The following SPHKAP variants were observed in gnomAD, a reference collection of about 807,000 sequenced individuals.
The protein encoded by SPHKAP is A-kinase anchor protein SPHKAP.
In SPHKAP, 67 loss-of-function variants were observed where a neutral mutation model predicts 137.5. The ratio of observed to expected loss-of-function variants is 0.49; its 90% confidence interval spans 0.40 to 0.60. The LOEUF (loss-of-function observed/expected upper bound fraction) is 0.60. SPHKAP is among the 20% of genes least tolerant of loss of function. The pLI, the probability that SPHKAP is intolerant of heterozygous loss-of-function variation, is 0.00. For missense variants in SPHKAP, 2,097 were observed against 2,069.3 expected, an observed-to-expected ratio of 1.01 and a Z score of -0.26; for synonymous variants, 813 against 785.3, an observed-to-expected ratio of 1.04 and a Z score of -0.59.
intron 3 of SPHKAP, chr2:228,027,976 A>G: frequency 2.1e-6 from 2 of 966,966 alleles, no homozygotes; most frequent in East Asian, 2.3e-4. Flanking sequence ...AAAAAAAAAA[A>G]GAAAAAAGAA....
rs1052803735 is a variant in SPHKAP, at chr2:228,025,774, A to G, written c.307-246T>C. ...CAAAAGTAAACATTTTACAAAGTAA[A>G]CATAAAGTAAACATTATGATAGTAA... On this transcript the variant is annotated intron_variant, in intron 4 of 11. Transcript: ENST00000392056. The G allele has an allele frequency of 1.5e-5, 12 of 777,410 alleles. No individual in the cohort carries two copies. The African/African-American group carries it at 2.1e-4, about 13-fold the overall frequency. The allele number at this position is 777,410 out of a possible 1,614,324, so 48.2% of individuals were successfully genotyped here. A position where few individuals can be genotyped will look rare whatever the true frequency, so the allele number is the denominator to read the frequency against.
intron 3 of SPHKAP, among the ~76,000 whole-genome samples, chr2:228,091,417 G>A (rs540117040): frequency 1.3e-5 from 2 of 152,236 alleles, no homozygotes; most frequent in East Asian, 3.9e-4. Context: ...ATAAATAGGT[G>A]TGACTTAGTT....
intron 3 of SPHKAP, among the ~76,000 whole-genome samples, chr2:228,064,299 T>G (rs1215065780): frequency 6.6e-6 from 1 of 152,178 alleles, no homozygotes; most frequent in Admixed American, 6.5e-5. Flanking sequence ...ACGACTCAAC[T>G]TAGTATTTAT....
intron 3 of SPHKAP, among the ~76,000 whole-genome samples, chr2:228,068,271 G>T (rs1010346302): frequency 2.6e-5 from 4 of 152,040 alleles, no homozygotes; most frequent in South Asian, 4.1e-4. Flanking sequence ...TTGAATTGGA[G>T]GAATCAATAC....
chr2:228,035,784 G>A (rs1025937335), intron 3 of SPHKAP, among the ~76,000 whole-genome samples: 14 of 152,196 alleles, frequency 9.2e-5, no homozygotes, highest in Non-Finnish European at 2.1e-4. Context: ...AATGGGGAAA[G>A]GATTCCCTAT....
chr2:228,133,350 T>TAAA (rs1456621005), intron 1 of SPHKAP, among the ~76,000 whole-genome samples: 9 of 148,190 alleles, frequency 6.1e-5, no homozygotes, highest in African/African-American at 2.2e-4. Context: ...AATAAATAAA[T>TAAA]TACTTCTACA....
chr2:228,092,400 C>CAT (rs1277052190), intron 3 of SPHKAP, among the ~76,000 whole-genome samples: 1 of 74,992 alleles, frequency 1.3e-5, no homozygotes, highest in African/African-American at 5.4e-5. Context: ...CATATATACA[C>CAT]ATATACACAT....
At chr2:228,079,963 C>T (rs1363641443) in intron 3 of SPHKAP, among the ~76,000 whole-genome samples, 1 of 152,140 alleles carries the variant, frequency 6.6e-6, no homozygotes, top group Non-Finnish European at 1.5e-5. Flanking sequence ...TTATCTCACA[C>T]CATAGACAAA....
At chr2:228,002,580 C>T (rs1693951275) in intron 7 of SPHKAP, among the ~76,000 whole-genome samples, 3 of 152,162 alleles carry the variant, frequency 2.0e-5, no homozygotes, top group Admixed American at 2.0e-4. Flanking sequence ...AATTAGATCC[C>T]ATTTGTCTAT....
intron 1 of SPHKAP, among the ~76,000 whole-genome samples, chr2:228,174,134 T>C (rs1343306647): frequency 6.6e-6 from 1 of 152,208 alleles, no homozygotes; most frequent in Non-Finnish European, 1.5e-5. Context: ...TGTCACTCCC[T>C]GTGTTTCCAT....
Position 228,020,172 on chromosome 2 carries a change from T to C in SPHKAP, c.698-16A>G. On this transcript the variant is annotated splice_polypyrimidine_tract_variant and intron_variant, in intron 6 of 11. Coordinates refer to ENST00000392056, the MANE Select transcript of SPHKAP (RefSeq NM_001142644.2). ...TTTTCATAATCTAGTGAGGAGAAAATGAGGGGCACTATTACTTTTTGGATA... is the reference window on the plus strand; with the variant it reads ...TTTTCATAATCTAGTGAGGAGAAAACGAGGGGCACTATTACTTTTTGGATA... 1 of 1,563,406 alleles carries C rather than the reference T, an allele frequency of 6.4e-7. No individual in the cohort carries two copies. The highest frequency in any genetic ancestry group is 8.6e-7 in the Non-Finnish European group (1 of 1,161,014).
intron 3 of SPHKAP, among the ~76,000 whole-genome samples, chr2:228,050,198 C>T (rs1408588483): frequency 1.3e-5 from 2 of 152,088 alleles, no homozygotes; most frequent in African/African-American, 4.8e-5. Flanking sequence ...TAGCAGATGT[C>T]AGGGCTTGAA....
rs554180280 is a variant in SPHKAP, at chr2:227,982,114, G to C, written c.4960-254C>G. The C allele has an allele frequency of 2.2e-4, 221 of 982,706 alleles. 2 individuals carry two copies. In the South Asian group the frequency reaches 8.6e-3, roughly 38 times the overall value. 60.9% of individuals were successfully genotyped at this position (982,706 alleles called of 1,614,324 possible). ...TTGACTGCAGAGGATTAGGTGGAAT[G>C]AGACTAATTCTTTTTTTTTTAAGAG... On this transcript the variant is annotated intron_variant, in intron 11 of 11. Transcript: ENST00000392056.
chr2:228,012,459 G>C (rs538815677), intron 7 of SPHKAP, among the ~76,000 whole-genome samples: 1 of 151,980 alleles, frequency 6.6e-6, no homozygotes, highest in Non-Finnish European at 1.5e-5. Context: ...CCTTCTCTTC[G>C]TTTAGGTCTC....
rs1694642057 is a variant in SPHKAP at position 228,017,280 on chromosome 2, C to T, written c.3574G>A (p.Glu1192Lys). The change falls in exon 7 of 12, where the codon GAG (glutamate) becomes AAG (lysine). Residue 1192 changes from glutamate (E) to lysine (K), a missense_variant. Glu to Lys is a moderately conservative substitution (Grantham distance 56). Coordinates refer to ENST00000392056, the MANE Select transcript of SPHKAP (RefSeq NM_001142644.2). ...CTCAGCATGTACCTGTAGAACTCCTCAGTGATGCTCTCTGTGCTGGACTGC... is the reference window on the plus strand; with the variant it reads ...CTCAGCATGTACCTGTAGAACTCCTTAGTGATGCTCTCTGTGCTGGACTGC... The part of the protein sequence containing the change: ...SKQSSTESIT[E>K]EFYRYMLRDI... The T allele has an allele frequency of 3.1e-6, 5 of 1,614,088 alleles. No homozygotes were observed. The highest frequency in any genetic ancestry group is 4.2e-6 in the Non-Finnish European group (5 of 1,180,042).
At chr2:228,125,558 C>G (rs566128115) in intron 2 of SPHKAP, among the ~76,000 whole-genome samples, 1 of 152,178 alleles carries the variant, frequency 6.6e-6, no homozygotes, top group Non-Finnish European at 1.5e-5. Flanking sequence ...GAAGAGAAAC[C>G]TGGGATCTAA....
chr2:228,010,137 A>G (rs1018575845), intron 7 of SPHKAP, among the ~76,000 whole-genome samples: 1 of 152,130 alleles, frequency 6.6e-6, no homozygotes, highest in Non-Finnish European at 1.5e-5. Context: ...AGTGAGGGCA[A>G]TTATAGGGCT....
At chr2:228,007,916 G>T (rs1286932586) in intron 7 of SPHKAP, among the ~76,000 whole-genome samples, 2 of 151,908 alleles carry the variant, frequency 1.3e-5, no homozygotes, top group East Asian at 1.9e-4. Flanking sequence ...AACTAAAAAT[G>T]GATTAAATAC....
intron 3 of SPHKAP, among the ~76,000 whole-genome samples, chr2:228,045,311 C>T (rs75361018): frequency 0.33 from 43,188 of 130,736 alleles, 7,848 homozygotes; most frequent in Middle Eastern, 0.47. Context: ...ATGTTTATTG[C>T]AGCACTATTC....
Sources: allele counts gnomAD v4.1 joint callset (sites outside exome capture counted in the v4.1 genomes callset), GRCh38; gene constraint gnomAD v4.1.1; transcripts MANE v1.5; gene names NCBI Gene and HGNC (gene_info 2026-07-23, HGNC 2026-07-21).